SPECC1: variants seen among roughly 807,000 people sequenced by gnomAD.
SPECC1 encodes cytospin-B.
Under a neutral mutation model 104.1 loss-of-function variants are expected in SPECC1, and 62 were observed. The ratio of observed to expected loss-of-function variants is 0.60; its 90% CI spans 0.49 to 0.74. The LOEUF (loss-of-function observed/expected upper bound fraction) is 0.74. SPECC1 is among the 30% of genes least tolerant of loss of function. SPECC1 has a pLI of 0.00. For missense variants in SPECC1, 1,306 were observed against 1,310.5 expected (o/e 1.00, Z 0.05); for synonymous variants, 513 against 501.6 (o/e 1.02, Z -0.30).
chr17:20,110,372 G>T, intron 2 of SPECC1, 55 bp from the exon 3 acceptor site: 1 of 1,551,920 alleles, frequency 6.4e-7, no homozygotes, highest in Non-Finnish European at 8.7e-7. Context: ...TGTTTATAGC[G>T]CTCCTTCCTG....
At chr17:20,289,964 G>A (rs968842323) in intron 12 of SPECC1, among the ~76,000 whole-genome samples, 1 of 152,114 alleles carries the variant, frequency 6.6e-6, no homozygotes, top group Non-Finnish European at 1.5e-5. Context: ...ATGGGCTTGG[G>A]CTTGTCTACC....
At chr17:20,043,508 A>G (rs1486515851) in intron 1 of SPECC1, among the ~76,000 whole-genome samples, 3 of 152,208 alleles carry the variant, frequency 2.0e-5, no homozygotes, top group Non-Finnish European at 4.4e-5. Context: ...TAGTACCAAT[A>G]TGTATTTTAA....
chr17:20,185,276 C>G (rs2243732), intron 3 of SPECC1: 107,873 of 152,324 alleles, frequency 0.71, 39,997 homozygotes, highest in East Asian at 0.99. Context: ...ATTTGGGCAG[C>G]CCTAGAACCG....
chr17:20,209,732 CCTAG>C (rs571380623), intron 4 of SPECC1, among the ~76,000 whole-genome samples: 390 of 152,284 alleles, frequency 2.6e-3, no homozygotes, highest in Middle Eastern at 0.024. Flanking sequence ...CTATCCTTGC[CCTAG>C]CTAGCAAGCA....
chr17:20,220,635 T>A (rs2037817211), intron 4 of SPECC1, among the ~76,000 whole-genome samples: 1 of 151,736 alleles, frequency 6.6e-6, no homozygotes, highest in Non-Finnish European at 1.5e-5. Context: ...CAGGATAATT[T>A]GACTTCTTCC....
chr17:20,038,471 C>T (rs2045188110), intron 1 of SPECC1, among the ~76,000 whole-genome samples: 1 of 144,614 alleles, frequency 6.9e-6, no homozygotes, highest in African/African-American at 2.6e-5. Context: ...ACAATCTTGG[C>T]TCACTGCAAC....
At chr17:20,232,901 T>C (rs1175139693) in intron 7 of SPECC1, among the ~76,000 whole-genome samples, 1 of 152,172 alleles carries the variant, frequency 6.6e-6, no homozygotes, top group Non-Finnish European at 1.5e-5. Flanking sequence ...TGACATAACC[T>C]ATTTTATTAA....
In SPECC1 at chr17:20,205,391, C is replaced by CA. The variant is rs2151353180; in HGVS notation, c.1344dup (p.Glu449ArgfsTer6). 1 of 1,613,674 alleles carries CA rather than the reference C, an allele frequency of 6.2e-7. No homozygotes were observed. Among genetic ancestry groups the CA allele is most frequent in the East Asian group, 2.2e-5 (1 of 44,886 alleles). On this transcript the variant is annotated frameshift_variant, in exon 4 of 15. Coordinates refer to ENST00000395527, the MANE Select transcript of SPECC1 (RefSeq NM_001243439.2). LOFTEE classifies it high-confidence loss of function. ...AAATGAGAAGCTGATGAATCTTTTA[C>CA]AAGAGCGAGTAAAGAATGAAGAGCC... is the stretch of plus-strand genomic sequence containing the variant.
At chr17:20,038,047 T>C (rs2045163105) in intron 1 of SPECC1, among the ~76,000 whole-genome samples, 1 of 152,146 alleles carries the variant, frequency 6.6e-6, no homozygotes, top group Admixed American at 6.5e-5. Context: ...AAATTTATAA[T>C]GTGTAGAGTT....
chr17:20,052,492 T>C (rs551427582), intron 1 of SPECC1, among the ~76,000 whole-genome samples: 7 of 152,246 alleles, frequency 4.6e-5, no homozygotes, highest in African/African-American at 1.2e-4. Flanking sequence ...CTGTCCCACA[T>C]TGAGGAATAT....
intron 5 of SPECC1, among the ~76,000 whole-genome samples, chr17:20,231,304 T>C (rs1003482987): frequency 6.6e-6 from 1 of 152,224 alleles, no homozygotes; most frequent in African/African-American, 2.4e-5. Context: ...TTGAGACCCA[T>C]GACTCTAGAA....
chr17:20,293,027 A>T (rs28563081), intron 12 of SPECC1, among the ~76,000 whole-genome samples: 4,247 of 152,282 alleles, frequency 0.028, 188 homozygotes, highest in African/African-American at 0.096. Context: ...TGCTGGGAAG[A>T]TAGGGACAGA....
intron 12 of SPECC1, among the ~76,000 whole-genome samples, chr17:20,279,193 G>A (rs973390238): frequency 2.0e-5 from 3 of 152,050 alleles, no homozygotes; most frequent in Non-Finnish European, 4.4e-5. Context: ...TCTTACTCGT[G>A]AAATGTTCAT....
chr17:20,173,772 T>C (rs1406764290), intron 3 of SPECC1, among the ~76,000 whole-genome samples: 1 of 152,226 alleles, frequency 6.6e-6, no homozygotes, highest in African/African-American at 2.4e-5. Flanking sequence ...TTGGCAAAAT[T>C]CATTTGCCTT....
intron 3 of SPECC1, among the ~76,000 whole-genome samples, chr17:20,115,892 AAG>A (rs1371653118): frequency 6.6e-6 from 1 of 152,226 alleles, no homozygotes; most frequent in African/African-American, 2.4e-5. Context: ...GCAGTAAGAT[AAG>A]AGAGATGTAG....
chr17:20,017,777 C>A (rs1222421921), intron 1 of SPECC1, among the ~76,000 whole-genome samples: 2 of 152,182 alleles, frequency 1.3e-5, no homozygotes, highest in African/African-American at 4.8e-5. Context: ...CAAAGATCGT[C>A]ACATACCAAC....
intron 3 of SPECC1, among the ~76,000 whole-genome samples, chr17:20,124,542 C>G (rs1158795526): frequency 1.3e-5 from 2 of 152,084 alleles, no homozygotes; most frequent in African/African-American, 2.4e-5. Context: ...TGAGTTTGTT[C>G]TTGTTTTCAT....
intron 1 of SPECC1, among the ~76,000 whole-genome samples, chr17:20,024,347 TTACTC>T (rs148863851): frequency 0.027 from 4,157 of 152,320 alleles, 196 homozygotes; most frequent in African/African-American, 0.094. Flanking sequence ...CCATTCTTGT[TTACTC>T]TATGCGGAAT....
In SPECC1 at chr17:20,194,502, A is replaced by ATTTTTTTTTTTT. The variant is rs1209589252; in HGVS notation, c.284-9819_284-9808dup. Reference sequence around the variant, plus strand: ...TGTGTTCTGTTAGAAAAGAGAACGAATTTTTTTTTTTTTTTTTTTTTTTGA... The same window carrying ATTTTTTTTTTTT: ...TGTGTTCTGTTAGAAAAGAGAACGAATTTTTTTTTTTTTTTTTTTTTTTTTTTTTTTTTTTGA... On this transcript the variant is annotated intron_variant, in intron 3 of 14. Transcript: ENST00000395527. Among the ~76,000 whole-genome samples, 32 of 86,528 alleles carry ATTTTTTTTTTTT rather than the reference A, an allele frequency of 3.7e-4. 1 individual carries two copies. Among genetic ancestry groups the ATTTTTTTTTTTT allele is most frequent in the African/African-American group, 1.4e-3 (27 of 18,734 alleles). 56.8% of individuals were successfully genotyped at this position (86,528 alleles called of 152,430 possible). A position where few individuals can be genotyped will look rare whatever the true frequency, so the allele number is the denominator to read the frequency against.
Sources: gnomAD v4.1 joint callset for allele counts (sites outside exome capture counted in the v4.1 genomes callset) on GRCh38, gnomAD v4.1.1 for gene constraint, MANE v1.5 for transcripts, NCBI Gene and HGNC (gene_info 2026-07-23, HGNC 2026-07-21) for gene names.